ENAH: variants seen among roughly 807,000 people sequenced by gnomAD.
The protein encoded by ENAH is ENAH actin regulator, also known as protein enabled homolog.
In ENAH, 23 loss-of-function variants were observed where a neutral mutation model predicts 78.7. That is an observed-to-expected ratio of 0.29 (90% CI 0.21 to 0.41). The LOEUF (loss-of-function observed/expected upper bound fraction) is 0.41, where lower values mean the gene tolerates loss of function less well. Among genes scored for constraint, ENAH ranks in the 10% least tolerant of loss-of-function variants. The pLI, the probability that ENAH is intolerant of heterozygous loss-of-function variation, is 1.00. For missense variants in ENAH, 544 were observed against 691.0 expected, an observed-to-expected ratio of 0.79 and a Z score of 2.39; for synonymous variants, 226 against 241.0, an observed-to-expected ratio of 0.94 and a Z score of 0.58.
intron 1 of ENAH, among the ~76,000 whole-genome samples, chr1:225,611,511 G>A (rs1298792608): frequency 6.6e-6 from 1 of 152,074 alleles, no homozygotes; most frequent in Non-Finnish European, 1.5e-5. Context: ...TAGAGATGAG[G>A]TTTCACTATG....
At chr1:225,601,216 T>C (rs2096928853) in intron 1 of ENAH, among the ~76,000 whole-genome samples, 1 of 152,098 alleles carries the variant, frequency 6.6e-6, no homozygotes, top group South Asian at 2.1e-4. Context: ...TTCTCAACAG[T>C]ACAAACAGAA....
At chr1:225,642,843 C>T (rs75052802) in intron 1 of ENAH, among the ~76,000 whole-genome samples, 6,475 of 152,154 alleles carry the variant, frequency 0.043, 219 homozygotes, top group South Asian at 0.1. Context: ...AATAAACAAA[C>T]AAAGAGACCC....
rs1018788942 is a variant in ENAH at position 225,497,602 on chromosome 1, C to A, written c.*173G>T. The A allele has an allele frequency of 3.9e-5, 19 of 483,062 alleles. No individual in the cohort carries two copies. The highest frequency in any genetic ancestry group is 3.5e-4 in the African/African-American group (18 of 51,578). 29.9% of individuals were successfully genotyped at this position (483,062 alleles called of 1,614,324 possible). On this transcript the variant is annotated 3_prime_UTR_variant, in exon 14 of 14. Coordinates refer to ENST00000366843, the MANE Select transcript of ENAH (RefSeq NM_018212.6). Reference sequence around the variant, plus strand: ...AAACGGAGAGGGAAAGAGCTTATCACCAGAGTCATAATGTCTGAAGGCTTT... The same window carrying A: ...AAACGGAGAGGGAAAGAGCTTATCAACAGAGTCATAATGTCTGAAGGCTTT...
chr1:225,571,739 A>G (rs1022833227), intron 1 of ENAH, among the ~76,000 whole-genome samples: 14 of 152,150 alleles, frequency 9.2e-5, no homozygotes, highest in Non-Finnish European at 1.8e-4. Flanking sequence ...GATTTCATCG[A>G]TCATGCTTAT....
At chr1:225,557,666 C>G (rs989637268) in intron 2 of ENAH, among the ~76,000 whole-genome samples, 2 of 152,110 alleles carry the variant, frequency 1.3e-5, no homozygotes, top group Admixed American at 6.5e-5. Context: ...ACTAAAAATA[C>G]AAAACTTAGC....
At chr1:225,591,523 T>C (rs1160260802) in intron 1 of ENAH, among the ~76,000 whole-genome samples, 3 of 148,536 alleles carry the variant, frequency 2.0e-5, no homozygotes, top group Non-Finnish European at 4.4e-5. Flanking sequence ...TCCCAGAACT[T>C]TGGGAGTCCA....
At chr1:225,554,424 A>T (rs1200537760) in intron 3 of ENAH, among the ~76,000 whole-genome samples, 1 of 152,174 alleles carries the variant, frequency 6.6e-6, no homozygotes, top group Non-Finnish European at 1.5e-5. Flanking sequence ...GGCACTCCTA[A>T]AATCTTTAAA....
chr1:225,615,595 G>A (rs1367741690), intron 1 of ENAH, among the ~76,000 whole-genome samples: 2 of 152,036 alleles, frequency 1.3e-5, no homozygotes, highest in East Asian at 3.9e-4. Context: ...TCTGGGAAGT[G>A]AGGAGCGTCT....
chr1:225,560,078 C>T (rs1177213316), intron 2 of ENAH, among the ~76,000 whole-genome samples: 2 of 152,188 alleles, frequency 1.3e-5, no homozygotes, highest in Non-Finnish European at 2.9e-5. Context: ...AGCACCATAG[C>T]CAGCCTTCCC....
At chr1:225,647,223 C>A (rs1662142928) in intron 1 of ENAH, among the ~76,000 whole-genome samples, 1 of 151,736 alleles carries the variant, frequency 6.6e-6, no homozygotes, top group Admixed American at 6.6e-5. Flanking sequence ...GACTCCATCT[C>A]AAAAAACAAA....
chr1:225,515,808 TAGTC>T (rs1376516842), intron 6 of ENAH, among the ~76,000 whole-genome samples: 2 of 152,188 alleles, frequency 1.3e-5, no homozygotes, highest in African/African-American at 4.8e-5. Context: ...CATCTAGAAA[TAGTC>T]TGTCCCTTCT....
intron 1 of ENAH, among the ~76,000 whole-genome samples, chr1:225,570,899 G>C (rs2151536581): frequency 6.6e-6 from 1 of 152,198 alleles, no homozygotes; most frequent in African/African-American, 2.4e-5. Context: ...GGAGGCAGAG[G>C]TTATGGTGAG....
intron 1 of ENAH, among the ~76,000 whole-genome samples, chr1:225,615,562 G>A (rs929839154): frequency 1.3e-5 from 2 of 150,584 alleles, no homozygotes; most frequent in East Asian, 3.9e-4. Flanking sequence ...AGTGAGGAGC[G>A]CCTCTTCCCG....
In ENAH at chr1:225,646,030, G is replaced by A. The variant is rs574145278; in HGVS notation, c.5+6656C>T. The stretch of plus-strand genomic sequence containing the variant: ...TAAAGAGATTTCTAGAAAATTTAAC[G>A]GATATCTTGTATAAATCAATCAACC... On this transcript the variant is annotated intron_variant, in intron 1 of 13. Coordinates refer to ENST00000366843, the MANE Select transcript of ENAH (RefSeq NM_018212.6). Among the ~76,000 whole-genome samples, 267 of 152,082 alleles carry A rather than the reference G, an allele frequency of 1.8e-3. 2 individuals are homozygous for A. The highest frequency in any genetic ancestry group is 6.8e-3 in the Middle Eastern group (2 of 294).
rs1372640698 is a variant in ENAH at position 225,494,961 on chromosome 1, T to C, written c.*2814A>G. 6.6e-6 allele frequency: 1 copy of C among 152,648 alleles called. No individual in the cohort carries two copies. The highest frequency in any genetic ancestry group is 2.4e-5 in the African/African-American group (1 of 41,456). 9.5% of individuals were successfully genotyped at this position (152,648 alleles called of 1,614,324 possible). Reference sequence around the variant, plus strand: ...GAAGTACACCTAAAAGCATGAGAATTCAACATTCATTAGTGTTTCATCTTC... The same window carrying C: ...GAAGTACACCTAAAAGCATGAGAATCCAACATTCATTAGTGTTTCATCTTC... On this transcript the variant is annotated 3_prime_UTR_variant, in exon 14 of 14. Transcript: ENST00000366843.
chr1:225,629,505 T>A (rs1346824395), intron 1 of ENAH, among the ~76,000 whole-genome samples: 3 of 151,008 alleles, frequency 2.0e-5, no homozygotes, highest in African/African-American at 7.3e-5. Flanking sequence ...GAGAATTGCT[T>A]GAATCTGGGA....
chr1:225,517,561 A>G, intron 5 of ENAH: 2 of 1,551,400 alleles, frequency 1.3e-6, no homozygotes, highest in Non-Finnish European at 1.7e-6. Flanking sequence ...AACAGGGAGG[A>G]CAGGCCTTGG....
At chr1:225,632,268 G>T (rs1336682684) in intron 1 of ENAH, among the ~76,000 whole-genome samples, 1 of 152,208 alleles carries the variant, frequency 6.6e-6, no homozygotes, top group Admixed American at 6.5e-5. Context: ...GGAGGCCAAA[G>T]CGGGCAGATC....
At chr1:225,525,750 T>C (rs2096499021) in intron 4 of ENAH, among the ~76,000 whole-genome samples, 1 of 152,166 alleles carries the variant, frequency 6.6e-6, no homozygotes, top group South Asian at 2.1e-4. Context: ...GAAGAGGAGA[T>C]TTTAGACTGG....
Sources: gnomAD v4.1 joint callset for allele counts (sites outside exome capture counted in the v4.1 genomes callset) on GRCh38, gnomAD v4.1.1 for gene constraint, MANE v1.5 for transcripts, NCBI Gene and HGNC (gene_info 2026-07-23, HGNC 2026-07-21) for gene names.